Variants in HMGCL observed in about 807,000 individuals in gnomAD.
HMGCL encodes the protein hydroxymethylglutaryl-CoA lyase, mitochondrial.
In HMGCL, 26 loss-of-function variants were observed where a neutral mutation model predicts 37.3. The observed-to-expected ratio is 0.70, with a 90% confidence interval of 0.51 to 0.97. HMGCL has a LOEUF of 0.97. Ranked by LOEUF, HMGCL falls within the 50% of genes least tolerant of loss-of-function variation. The pLI, the probability that HMGCL is intolerant of heterozygous loss-of-function variation, is 0.00. For synonymous variants in HMGCL, 151 were observed against 148.0 expected, an observed-to-expected ratio of 1.02 and a Z score of -0.15; for missense variants, 379 against 398.1, an observed-to-expected ratio of 0.95 and a Z score of 0.41.
chr1:23,807,977 C>T (rs1456219387), intron 7 of HMGCL, among the ~76,000 whole-genome samples, 158 bp downstream of exon 7: 1 of 152,194 alleles, frequency 6.6e-6, no homozygotes, highest in Non-Finnish European at 1.5e-5. Context: ...CAGAGCTGTA[C>T]ACTTCACATC....
chr1:23,822,493 T>C (rs947637116), intron 1 of HMGCL, among the ~76,000 whole-genome samples: 3 of 152,210 alleles, frequency 2.0e-5, no homozygotes, highest in African/African-American at 7.2e-5. Context: ...ATAAATATAC[T>C]ACAACGAGGC....
intron 6 of HMGCL, chr1:23,809,593 T>C (rs1057250423): frequency 6.6e-6 from 1 of 152,098 alleles, no homozygotes; most frequent in Non-Finnish European, 1.5e-5. Flanking sequence ...GGAAGCCCAT[T>C]TGCACATCTC....
In HMGCL at chr1:23,808,346, G is replaced by A. The variant is rs374835343; in HGVS notation, c.562-23C>T. ...GACCTAAGGAAGCAAGCAGGCACTTGGAGGATACAGAATCCACCAGCCAGG... is the reference window on the plus strand; with the variant it reads ...GACCTAAGGAAGCAAGCAGGCACTTAGAGGATACAGAATCCACCAGCCAGG... On this transcript the variant is annotated intron_variant, in intron 6 of 8. Transcript: ENST00000374490. The A allele has an allele frequency of 4.4e-6, 7 of 1,606,728 alleles. No individual in the cohort carries two copies. In the South Asian group the frequency reaches 4.4e-5, roughly 10 times the overall value.
At chr1:23,821,880 C>T (rs1638728254) in intron 1 of HMGCL, among the ~76,000 whole-genome samples, 1 of 152,124 alleles carries the variant, frequency 6.6e-6, no homozygotes, top group Admixed American at 6.6e-5. Context: ...GTTCTTACAT[C>T]TCTCTCTCAT....
At chr1:23,811,968 A>G (rs1316387656) in intron 5 of HMGCL, among the ~76,000 whole-genome samples, 3 of 152,228 alleles carry the variant, frequency 2.0e-5, no homozygotes, top group African/African-American at 7.2e-5. Context: ...GCTGAGCAAG[A>G]AAAAGGTAAG....
chr1:23,814,040 C>T, intron 5 of HMGCL, 150 bp downstream of exon 5: 1 of 850,116 alleles, frequency 1.2e-6, no homozygotes, highest in Non-Finnish European at 1.9e-6. Context: ...TTCTTCTGAC[C>T]ACACTTATTT....
intron 7 of HMGCL, among the ~76,000 whole-genome samples, chr1:23,804,876 A>ACCCCCCCCCCCCCTC (rs138996016): frequency 4.9e-5 from 3 of 61,276 alleles, no homozygotes; most frequent in Non-Finnish European, 9.5e-5. Context: ...TTCATTTATT[A>ACCCCCCCCCCCCCTC]CCCCCCCCCC....
At chr1:23,814,723 G>C (rs2148422728) in intron 4 of HMGCL, among the ~76,000 whole-genome samples, 1 of 152,112 alleles carries the variant, frequency 6.6e-6, no homozygotes, top group Admixed American at 6.6e-5. Context: ...TTTCTCTTAA[G>C]GTAAATTTTA....
At chr1:23,812,702 G>C (rs189754801) in intron 5 of HMGCL, among the ~76,000 whole-genome samples, 64 of 152,312 alleles carry the variant, frequency 4.2e-4, no homozygotes, top group Non-Finnish European at 8.2e-4. Flanking sequence ...AGAAGTTCCA[G>C]TTGGGCTGGA....
At chr1:23,802,933 CA>C (rs1638312373) in intron 8 of HMGCL, among the ~76,000 whole-genome samples, 5 of 152,220 alleles carry the variant, frequency 3.3e-5, no homozygotes, top group Admixed American at 3.3e-4. Flanking sequence ...ATAAAAACAC[CA>C]ACTGAAAGGG....
intron 1 of HMGCL, among the ~76,000 whole-genome samples, chr1:23,823,205 T>G (rs939699369): frequency 1.7e-4 from 25 of 149,370 alleles, no homozygotes; most frequent in Admixed American, 1.7e-3. Context: ...AAAAAAAGCT[T>G]CTAAAACCTG....
Position 23,814,349 on chromosome 1 carries a change from C to T in HMGCL, c.349-11G>A. On this transcript the variant is annotated splice_polypyrimidine_tract_variant and intron_variant, in intron 4 of 8. Coordinates refer to ENST00000374490, the MANE Select transcript of HMGCL (RefSeq NM_000191.3). Reference sequence around the variant, plus strand: ...GGCTCCAGCAGCAACCTGCCAACATCCAGGTGAACTCCTTTCAGCACTTTT... The same window carrying T: ...GGCTCCAGCAGCAACCTGCCAACATTCAGGTGAACTCCTTTCAGCACTTTT... The T allele has an allele frequency of 6.2e-7, 1 of 1,613,216 alleles. No individual in the cohort carries two copies. Among genetic ancestry groups the T allele is most frequent in the Non-Finnish European group, 8.5e-7 (1 of 1,179,976 alleles).
Position 23,806,003 on chromosome 1 carries a change from G to A in HMGCL, c.751-1478C>T, listed in dbSNP as rs1032982771. 2.6e-4 allele frequency among the ~76,000 whole-genome samples: 40 copies of A among 151,468 alleles called. No individual in the cohort carries two copies. The highest frequency in any genetic ancestry group is 1.6e-3 in the Admixed American group (24 of 15,214). ...GTTGCCTAGGCTGGAGTGCACTGGC[G>A]CCATCTCAGCTCACTGCAAATCACT... is the stretch of plus-strand genomic sequence containing the variant. On this transcript the variant is annotated intron_variant, in intron 7 of 8. Coordinates refer to ENST00000374490, the MANE Select transcript of HMGCL (RefSeq NM_000191.3). This position sits in a 1 kb window ranked among gnomAD's most constrained non-coding sequence, Gnocchi z 4.0.
rs770526287 is a variant in HMGCL, at chr1:23,802,492, T to A, written c.949A>T (p.Lys317Ter). 2 of 1,613,956 alleles carry A rather than the reference T, an allele frequency of 1.2e-6. No individual in the cohort carries two copies. The highest frequency in any genetic ancestry group is 1.7e-6 in the Non-Finnish European group (2 of 1,179,782). Residue 317 changes from lysine to a stop codon, truncating the protein, a stop_gained, in exon 9 of 9, where the codon AAA (lysine) becomes TAA (stop). Transcript: ENST00000374490. LOFTEE classifies it high-confidence loss of function. ...CQALNRKTSS[K>*]VAQATCKL ...AGTTTACAGGTAGCCTGAGCCACTT[T>A]GGAGCTAGTTTTTCTGTTCAGGGCT...
In HMGCL at chr1:23,801,889, G is replaced by T. The variant is rs1184469281; in HGVS notation, c.*574C>A. 1 of 415,850 alleles carries T rather than the reference G, an allele frequency of 2.4e-6. No individual in the cohort carries two copies. The highest frequency in any genetic ancestry group is 3.4e-5 in the East Asian group (1 of 29,606). 25.8% of individuals were successfully genotyped at this position (415,850 alleles called of 1,614,324 possible). ...CTGCACAACCGAATGCTGGAATTAT[G>T]ATGTGCCATTCAACCTTTAATTACA... is the stretch of plus-strand genomic sequence containing the variant. On this transcript the variant is annotated 3_prime_UTR_variant, in exon 9 of 9. Transcript: ENST00000374490.
chr1:23,812,922 C>A (rs1638545706), intron 5 of HMGCL, among the ~76,000 whole-genome samples: 1 of 152,068 alleles, frequency 6.6e-6, no homozygotes. Context: ...CAGAGTCTCA[C>A]TCTGTCACCT....
In HMGCL at chr1:23,806,577, T is replaced by C. The variant is rs1638414795; in HGVS notation, c.750+1558A>G. 3 of 211,898 alleles carry C rather than the reference T, an allele frequency of 1.4e-5. No homozygotes were observed. Among genetic ancestry groups the C allele is most frequent in the Non-Finnish European group, 2.9e-5 (3 of 102,854 alleles). The allele number at this position is 211,898 out of a possible 1,614,324, so 13.1% of individuals were successfully genotyped here. ...TCGCTTCCCTCAGGTCTCTCTCAAA[T>C]GCTACCTTCTGAGTGAGGCCACTCT... On this transcript the variant is annotated intron_variant, in intron 7 of 8. Coordinates refer to ENST00000374490, the MANE Select transcript of HMGCL (RefSeq NM_000191.3). The surrounding 1 kb of genome is among the most constrained non-coding windows in gnomAD (Gnocchi z 4.0).
chr1:23,820,472 T>C (rs745844001), intron 2 of HMGCL, 38 bp downstream of exon 2: 2 of 1,439,452 alleles, frequency 1.4e-6, no homozygotes, highest in South Asian at 2.3e-5. Flanking sequence ...AAGCAGATGC[T>C]TGAAAAAACT....
chr1:23,809,236 A>ATTTT (rs1243481617), intron 6 of HMGCL: 7 of 78,678 alleles, frequency 8.9e-5, no homozygotes, highest in African/African-American at 3.7e-4. Context: ...ATATATATAT[A>ATTTT]TATTTTTTTT....
Sources: allele counts gnomAD v4.1 joint callset (sites outside exome capture counted in the v4.1 genomes callset), GRCh38; gene constraint gnomAD v4.1.1; non-coding constraint Gnocchi (gnomAD v3.1); transcripts MANE v1.5; gene names NCBI Gene and HGNC (gene_info 2026-07-23, HGNC 2026-07-21).